Variants in CCDC6 observed in about 807,000 individuals in gnomAD.
CCDC6 encodes coiled-coil domain-containing protein 6.
In CCDC6, 20 loss-of-function variants were observed where a neutral mutation model predicts 56.6. That is an observed-to-expected ratio of 0.35 (90% CI 0.25 to 0.51). The LOEUF is 0.51. Ranked by LOEUF, CCDC6 falls within the 20% of genes least tolerant of loss-of-function variation. The pLI is 0.95. For missense variants in CCDC6, 367 were observed against 601.1 expected (o/e 0.61, Z 4.07); for synonymous variants, 241 against 234.4 (o/e 1.03, Z -0.26).
Position 59,843,011 on chromosome 10 carries a change from C to T in CCDC6, c.453+9542G>A, listed in dbSNP as rs532721915. ...TTCGTGATCCACCTGCCTCGGCCTC[C>T]CAAAGTGCTGGAATTACAAGCGTGA... is the stretch of plus-strand genomic sequence containing the variant. On this transcript the variant is annotated intron_variant, in intron 2 of 8. Coordinates refer to ENST00000263102, the MANE Select transcript of CCDC6 (RefSeq NM_005436.5). Among the ~76,000 whole-genome samples, 25 of 152,148 alleles carry T rather than the reference C, an allele frequency of 1.6e-4. 1 individual carries two copies. In the South Asian group the frequency reaches 4.8e-3, roughly 29 times the overall value.
chr10:59,795,273 ACACT>A (rs1049725050), intron 7 of CCDC6, among the ~76,000 whole-genome samples: 21 of 152,244 alleles, frequency 1.4e-4, no homozygotes, highest in African/African-American at 5.1e-4. Flanking sequence ...GCAAACAAAC[ACACT>A]CAAATAGTCC....
chr10:59,872,709 C>T (rs2071240051), intron 1 of CCDC6, among the ~76,000 whole-genome samples: 1 of 148,148 alleles, frequency 6.8e-6, no homozygotes, highest in Admixed American at 6.9e-5. Context: ...ACAAGGATTT[C>T]ATGGTCAAAC....
intron 8 of CCDC6, 36 bp from the exon 9 acceptor site, chr10:59,793,147 T>C (rs760554468): frequency 6.3e-7 from 1 of 1,574,904 alleles, no homozygotes; most frequent in Admixed American, 1.7e-5. Context: ...TCAGTCTAGG[T>C]ACAGGTGGAT....
intron 1 of CCDC6, among the ~76,000 whole-genome samples, chr10:59,853,369 T>TA (rs1390786990): frequency 6.6e-5 from 10 of 151,688 alleles, no homozygotes; most frequent in African/African-American, 2.4e-4. Flanking sequence ...CCTGTCTCTA[T>TA]AAAAAATACA....
chr10:59,790,574 G>A lies in CCDC6; in HGVS notation c.*2343C>T, dbSNP rs140814509. ...GGTCCTCAAACACTTTAAAGGACACGAACCATCAAATTCAAAAGAGTAGTG... is the reference window on the plus strand; with the variant it reads ...GGTCCTCAAACACTTTAAAGGACACAAACCATCAAATTCAAAAGAGTAGTG... On this transcript the variant is annotated 3_prime_UTR_variant, in exon 9 of 9. Transcript: ENST00000263102. 3.2e-5 allele frequency: 7 copies of A among 221,652 alleles called. No individual in the cohort carries two copies. The highest frequency in any genetic ancestry group is 8.9e-5 in the African/African-American group (4 of 44,700). 13.7% of individuals were successfully genotyped at this position (221,652 alleles called of 1,614,324 possible).
At chr10:59,800,150 T>C (rs1170953456) in intron 7 of CCDC6, among the ~76,000 whole-genome samples, 1 of 152,206 alleles carries the variant, frequency 6.6e-6, no homozygotes, top group African/African-American at 2.4e-5. Flanking sequence ...TCACTCAGCT[T>C]CCCCTGATTA....
At chr10:59,844,474 G>A (rs1254275765) in intron 2 of CCDC6, among the ~76,000 whole-genome samples, 1 of 151,356 alleles carries the variant, frequency 6.6e-6, no homozygotes, top group Admixed American at 6.6e-5. Flanking sequence ...GTCCTTGCAG[G>A]GCACGGTGGC....
At chr10:59,904,375 C>G (rs1000550414) in intron 1 of CCDC6, among the ~76,000 whole-genome samples, 1 of 152,234 alleles carries the variant, frequency 6.6e-6, no homozygotes, top group Non-Finnish European at 1.5e-5. Context: ...ATAACCCTTT[C>G]ATAGTCTCTG....
Position 59,876,238 on chromosome 10 carries a change from G to A in CCDC6, c.304-23536C>T, listed in dbSNP as rs548082295. On this transcript the variant is annotated intron_variant, in intron 1 of 8. Coordinates refer to ENST00000263102, the MANE Select transcript of CCDC6 (RefSeq NM_005436.5). ...TAGTTTTTGTATTTTTAGTAGAGACGGGGTTTCTCCATGTTGGCCAGGCTA... is the reference window on the plus strand; with the variant it reads ...TAGTTTTTGTATTTTTAGTAGAGACAGGGTTTCTCCATGTTGGCCAGGCTA... 1.6e-4 allele frequency among the ~76,000 whole-genome samples: 24 copies of A among 151,788 alleles called. No individual in the cohort carries two copies. The Middle Eastern group carries it at 0.01, about 65-fold the overall frequency.
At chr10:59,834,421 G>A (rs1184951567) in intron 2 of CCDC6, among the ~76,000 whole-genome samples, 2 of 151,810 alleles carry the variant, frequency 1.3e-5, no homozygotes, top group Admixed American at 1.3e-4. Flanking sequence ...CCGGTGTGGT[G>A]GCATGCACCA....
chr10:59,850,393 G>C (rs1487403108), intron 2 of CCDC6, among the ~76,000 whole-genome samples: 1 of 152,006 alleles, frequency 6.6e-6, no homozygotes, highest in Non-Finnish European at 1.5e-5. Context: ...AACCAAGCTG[G>C]GATGCATGAC....
At chr10:59,847,154 G>A (rs1221133413) in intron 2 of CCDC6, among the ~76,000 whole-genome samples, 3 of 152,094 alleles carry the variant, frequency 2.0e-5, no homozygotes, top group Non-Finnish European at 4.4e-5. Context: ...CTGGGTTCAC[G>A]CCATTCTCCT....
At chr10:59,856,361 A>AATTAAATG (rs1491053412) in intron 1 of CCDC6, among the ~76,000 whole-genome samples, 1 of 143,462 alleles carries the variant, frequency 7.0e-6, no homozygotes, top group Non-Finnish European at 1.5e-5. Flanking sequence ...AAAAAAAAAA[A>AATTAAATG]ATTAAATGGA....
intron 2 of CCDC6, among the ~76,000 whole-genome samples, chr10:59,846,560 C>T (rs1262325088): frequency 6.6e-6 from 1 of 152,088 alleles, no homozygotes; most frequent in African/African-American, 2.4e-5. Flanking sequence ...ATAAGAGATC[C>T]AGGACTTTTC....
At chr10:59,890,151 G>C (rs573554909) in intron 1 of CCDC6, among the ~76,000 whole-genome samples, 1 of 152,270 alleles carries the variant, frequency 6.6e-6, no homozygotes, top group Admixed American at 6.5e-5. Context: ...GCATAGATAG[G>C]CCCAGTTCTC....
chr10:59,816,959 C>G (rs556001659), intron 3 of CCDC6, among the ~76,000 whole-genome samples: 3 of 152,218 alleles, frequency 2.0e-5, no homozygotes, highest in African/African-American at 7.2e-5. Context: ...AAGAACAGTT[C>G]AAGGGCAAAA....
intron 2 of CCDC6, among the ~76,000 whole-genome samples, chr10:59,842,599 C>T (rs900895406): frequency 6.6e-6 from 1 of 152,076 alleles, no homozygotes. Context: ...ACTTCATTTA[C>T]TTATATTTTG....
rs781548262 is a variant in CCDC6 at position 59,790,426 on chromosome 10, C to T, written c.*2491G>A. On this transcript the variant is annotated 3_prime_UTR_variant, in exon 9 of 9. Coordinates refer to ENST00000263102, the MANE Select transcript of CCDC6 (RefSeq NM_005436.5). ...GCCCGACTGAGGGAAGTCAGCTTCC[C>T]ATAGGTGAGGGGGCTGTTGCCATTA... 161 of 217,972 alleles carry T rather than the reference C, an allele frequency of 7.4e-4. No individual in the cohort carries two copies. Among genetic ancestry groups the T allele is most frequent in the East Asian group, 8.8e-4 (13 of 14,838 alleles). 13.5% of individuals were successfully genotyped at this position (217,972 alleles called of 1,614,324 possible).
intron 2 of CCDC6, among the ~76,000 whole-genome samples, chr10:59,844,736 A>G (rs1054941464): frequency 7.1e-6 from 1 of 140,844 alleles, no homozygotes; most frequent in Admixed American, 7.1e-5. Context: ...TGGGCAACAG[A>G]GACTATCTCC....
Sources: gnomAD v4.1 joint callset for allele counts (sites outside exome capture counted in the v4.1 genomes callset) on GRCh38, gnomAD v4.1.1 for gene constraint, MANE v1.5 for transcripts, NCBI Gene and HGNC (gene_info 2026-07-23, HGNC 2026-07-21) for gene names.